Variants in PDCD1 observed in about 807,000 individuals in gnomAD.
PDCD1 encodes programmed cell death protein 1.
Under a neutral mutation model 23.6 loss-of-function variants are expected in PDCD1, and 10 were observed. The ratio of observed to expected loss-of-function variants is 0.42; its 90% CI spans 0.26 to 0.72. PDCD1 has a LOEUF of 0.72. Ranked by LOEUF, PDCD1 falls within the 30% of genes least tolerant of loss-of-function variation. PDCD1 has a pLI of 0.24. For synonymous variants in PDCD1, 168 were observed against 169.3 expected (o/e 0.99, Z 0.06); for missense variants, 313 against 397.8 (o/e 0.79, Z 1.81).
Position 241,850,180 on chromosome 2 carries a change from C to T in PDCD1, c.*878G>A, listed in dbSNP as rs1278246806. ...TCCCAGGGTGGGCACATGGGGGGCCCTAGGTGCCTGCACTTCTGCCCTCCC... is the reference window on the plus strand; with the variant it reads ...TCCCAGGGTGGGCACATGGGGGGCCTTAGGTGCCTGCACTTCTGCCCTCCC... On this transcript the variant is annotated 3_prime_UTR_variant, in exon 5 of 5. Coordinates refer to ENST00000334409, the MANE Select transcript of PDCD1 (RefSeq NM_005018.3). 3 of 233,028 alleles carry T rather than the reference C, an allele frequency of 1.3e-5. No homozygotes were observed. Among genetic ancestry groups the T allele is most frequent in the African/African-American group, 6.6e-5 (3 of 45,402 alleles). The allele number at this position is 233,028 out of a possible 1,614,324, so 14.4% of individuals were successfully genotyped here. A position where few individuals can be genotyped will look rare whatever the true frequency, so the allele number is the denominator to read the frequency against.
At chr2:241,852,153 A>G in intron 3 of PDCD1, 45 bp downstream of exon 3, 1 of 1,581,706 alleles carries the variant, frequency 6.3e-7, no homozygotes, top group Non-Finnish European at 8.6e-7. Flanking sequence ...GAGGGCCGCC[A>G]GCAGGGTTAG....
At chr2:241,853,691 G>A (rs1559449063) in intron 1 of PDCD1, among the ~76,000 whole-genome samples, 1 of 152,260 alleles carries the variant, frequency 6.6e-6, no homozygotes, top group Non-Finnish European at 1.5e-5. Context: ...CAGGGTCAGG[G>A]CTTGGGATAC....
At position 241,850,867 on chromosome 2, in the gene PDCD1, G is replaced by C. The variant is rs1700884246; in HGVS notation, c.*191C>G. On this transcript the variant is annotated 3_prime_UTR_variant, in exon 5 of 5. Coordinates refer to ENST00000334409, the MANE Select transcript of PDCD1 (RefSeq NM_005018.3). ...CACCTGCTGCCTGGGCTCACTGTGG[G>C]CATTGAGACATGAGTCCTGTGGTGG... The C allele has an allele frequency of 1.5e-6, 1 of 679,284 alleles. No individual in the cohort carries two copies. The highest frequency in any genetic ancestry group is 2.5e-6 in the Non-Finnish European group (1 of 403,204). The allele number at this position is 679,284 out of a possible 1,614,324, so 42.1% of individuals were successfully genotyped here.
At position 241,850,250 on chromosome 2, in the gene PDCD1, GC is replaced by G. The variant is rs1559446557; in HGVS notation, c.*807del. 8.6e-6 allele frequency: 2 copies of G among 233,484 alleles called. No individual in the cohort carries two copies. Among genetic ancestry groups the G allele is most frequent in the East Asian group, 1.2e-4 (2 of 16,594 alleles). 14.5% of individuals were successfully genotyped at this position (233,484 alleles called of 1,614,324 possible). On this transcript the variant is annotated 3_prime_UTR_variant, in exon 5 of 5. Coordinates refer to ENST00000334409, the MANE Select transcript of PDCD1 (RefSeq NM_005018.3). ...CTGGGAGGGGCCTGAGTCAACCCCA[GC>G]CCTGCCCTCCTGACCTTGGGACCGT...
chr2:241,852,509 A>G (rs1700924270), intron 2 of PDCD1, 112 bp downstream of exon 2: 1 of 1,342,318 alleles, frequency 7.4e-7, no homozygotes. Flanking sequence ...CCTGGACTGG[A>G]GCTGGGGGGT....
chr2:241,852,194 T>A lies in PDCD1; in HGVS notation c.592+4A>T. ...GGCAGGCCGAGGGGCTGGGATGACG[T>A]TACCTCGTGCGGCCCGGGAGCAGAT... On this transcript the variant is annotated splice_donor_region_variant and intron_variant, in intron 3 of 4. Transcript: ENST00000334409. 1.2e-6 allele frequency: 2 copies of A among 1,607,224 alleles called. No homozygotes were observed. The highest frequency in any genetic ancestry group is 1.7e-6 in the Non-Finnish European group (2 of 1,178,370).
chr2:241,856,994 G>A (rs761757072), intron 1 of PDCD1, among the ~76,000 whole-genome samples: 5 of 152,214 alleles, frequency 3.3e-5, no homozygotes, highest in African/African-American at 4.8e-5. Flanking sequence ...CAGTGGCAGC[G>A]CTGACTGGAG....
intron 1 of PDCD1, among the ~76,000 whole-genome samples, chr2:241,854,707 GACCCAGGGGCCCCACC>G (rs1264634720): frequency 2.0e-5 from 3 of 152,158 alleles, no homozygotes; most frequent in Non-Finnish European, 4.4e-5. Context: ...ATGCAGTGGG[GACCCAGGGGCCCCACC>G]ACCGCAGGCA....
Position 241,852,857 on chromosome 2 carries a change from C to A in PDCD1, c.200G>T (p.Trp67Leu). 1.9e-6 allele frequency: 3 copies of A among 1,606,954 alleles called. No homozygotes were observed. Among genetic ancestry groups the A allele is most frequent in the Non-Finnish European group, 2.5e-6 (3 of 1,179,944 alleles). ...SNTSESFVLN[W>L]YRMSPSNQTD... The stretch of plus-strand genomic sequence containing the variant: ...CTGGTTGCTGGGGCTCATGCGGTAC[C>A]AGTTTAGCACGAAGCTCTCCGATGT... Residue 67 changes from tryptophan to leucine, a missense_variant, in exon 2 of 5, where the codon TGG (tryptophan) becomes TTG (leucine). Transcript: ENST00000334409.
At position 241,851,264 on chromosome 2, in the gene PDCD1, C is replaced by T. The variant is rs373940258; in HGVS notation, c.661G>A (p.Val221Met). 6.1e-5 allele frequency: 99 copies of T among 1,613,512 alleles called. No individual in the cohort carries two copies. The highest frequency in any genetic ancestry group is 8.3e-5 in the Non-Finnish European group (98 of 1,179,800). The change falls in exon 5 of 5, where the codon GTG (valine) becomes ATG (methionine). Residue 221 changes from valine to methionine, a missense_variant. Val to Met is a conservative substitution (Grantham distance 21). This residue lies in a region of PDCD1 where 158 missense variants were observed against 177.5 expected (regional missense o/e 0.89). Transcript: ENST00000334409. ...TGGAAATCCAGCTCCCCATAGTCCA[C>T]AGAGAACACAGGCACGGCTGAGGGG... ...EDPSAVPVFS[V>M]DYGELDFQWR...
intron 1 of PDCD1, among the ~76,000 whole-genome samples, chr2:241,855,602 T>C (rs532105554): frequency 5.9e-5 from 9 of 152,182 alleles, no homozygotes; most frequent in African/African-American, 2.2e-4. Context: ...GGAACAGGCC[T>C]GTGAGGTGGC....
rs56029561 is a variant in PDCD1, at chr2:241,850,723, G to GGCAGCAGCA, written c.*326_*334dup. On this transcript the variant is annotated 3_prime_UTR_variant, in exon 5 of 5. Coordinates refer to ENST00000334409, the MANE Select transcript of PDCD1 (RefSeq NM_005018.3). The stretch of plus-strand genomic sequence containing the variant: ...ACGGCGCCTTCAGCCCCGGGCCGCA[G>GGCAGCAGCA]GCAGCAGCAGCAGCAGCAGCAGCAG... 4.2e-3 allele frequency: 2,457 copies of GGCAGCAGCA among 579,500 alleles called. 41 individuals are homozygous for GGCAGCAGCA. Among genetic ancestry groups the GGCAGCAGCA allele is most frequent in the African/African-American group, 0.039 (2,151 of 54,892 alleles). 35.9% of individuals were successfully genotyped at this position (579,500 alleles called of 1,614,324 possible).
intron 1 of PDCD1, among the ~76,000 whole-genome samples, chr2:241,855,366 AG>A (rs1701000711): frequency 2.0e-5 from 3 of 152,066 alleles, no homozygotes; most frequent in African/African-American, 7.2e-5. Context: ...CACCTCCTCC[AG>A]GAAGGCTTCC....
Position 241,854,082 on chromosome 2 carries a change from G to A in PDCD1, c.77-1102C>T, listed in dbSNP as rs115650819. On this transcript the variant is annotated intron_variant, in intron 1 of 4. Transcript: ENST00000334409. Reference sequence around the variant, plus strand: ...TGTCCCTGCAGCCAGGCTGGCCCACGGCGTGCTGGCTGGACACCAGAGGTG... The same window carrying A: ...TGTCCCTGCAGCCAGGCTGGCCCACAGCGTGCTGGCTGGACACCAGAGGTG... 8.6e-3 allele frequency among the ~76,000 whole-genome samples: 1,310 copies of A among 152,216 alleles called. 24 individuals carry two copies. The highest frequency in any genetic ancestry group is 0.03 in the African/African-American group (1,262 of 41,552).
rs2124853984 is a variant in PDCD1 at position 241,849,963 on chromosome 2, G to A, written c.*1095C>T. 4.7e-6 allele frequency: 1 copy of A among 213,334 alleles called. No homozygotes were observed. Among genetic ancestry groups the A allele is most frequent in the East Asian group, 6.9e-5 (1 of 14,518 alleles). 13.2% of individuals were successfully genotyped at this position (213,334 alleles called of 1,614,324 possible). A position where few individuals can be genotyped will look rare whatever the true frequency, so the allele number is the denominator to read the frequency against. On this transcript the variant is annotated 3_prime_UTR_variant, in exon 5 of 5. Transcript: ENST00000334409. ...GGGGATCCCTTGTCCCAGCCACTCAGGTGCCTGCTGGCCGCCTGGATGCTG... is the reference window on the plus strand; with the variant it reads ...GGGGATCCCTTGTCCCAGCCACTCAAGTGCCTGCTGGCCGCCTGGATGCTG...
chr2:241,858,125 C>T (rs577433740), intron 1 of PDCD1, among the ~76,000 whole-genome samples: 1 of 152,320 alleles, frequency 6.6e-6, no homozygotes, highest in Admixed American at 6.5e-5. Flanking sequence ...GGAATCTGGG[C>T]AGAGACCCAG....
intron 4 of PDCD1, 40 bp downstream of exon 4, chr2:241,851,909 G>A (rs1162249732): frequency 1.9e-6 from 3 of 1,604,408 alleles, no homozygotes; most frequent in Non-Finnish European, 2.6e-6. Flanking sequence ...ACCCAGGAAG[G>A]AAGGCACAGT....
At chr2:241,853,321 G>A (rs1700949186) in intron 1 of PDCD1, among the ~76,000 whole-genome samples, 1 of 152,248 alleles carries the variant, frequency 6.6e-6, no homozygotes, top group Non-Finnish European at 1.5e-5. Context: ...TGACCCTTGG[G>A]CATCCTGGCC....
chr2:241,851,624 G>A (rs903282180), intron 4 of PDCD1, among the ~76,000 whole-genome samples: 4 of 151,938 alleles, frequency 2.6e-5, no homozygotes, highest in Admixed American at 2.6e-4. Flanking sequence ...CGCATGGGCC[G>A]GGCACACCTG....
Sources: allele counts gnomAD v4.1 joint callset (sites outside exome capture counted in the v4.1 genomes callset), GRCh38; gene constraint gnomAD v4.1.1; regional missense constraint gnomAD v4.1.1; transcripts MANE v1.5; gene names NCBI Gene and HGNC (gene_info 2026-07-23, HGNC 2026-07-21).